The following DGKI variants were observed in gnomAD, a reference collection of about 807,000 sequenced individuals.
DGKI encodes the protein DAG kinase iota.
In DGKI, 55 loss-of-function variants were observed where a neutral mutation model predicts 147.5. That is an observed-to-expected ratio of 0.37 (90% CI 0.30 to 0.47). The LOEUF (loss-of-function observed/expected upper bound fraction) is 0.47. Ranked by LOEUF, DGKI falls within the 20% of genes least tolerant of loss-of-function variation. DGKI has a pLI of 1.00. For synonymous variants in DGKI, 469 were observed against 477.1 expected (o/e 0.98, Z 0.22); for missense variants, 1,007 against 1,323.8 (o/e 0.76, Z 3.71).
chr7:137,531,541 G>C (rs1020955902), intron 20 of DGKI, among the ~76,000 whole-genome samples: 1 of 152,150 alleles, frequency 6.6e-6, no homozygotes. Flanking sequence ...TGAGACATAA[G>C]AGGACAATGA....
chr7:137,601,691 C>G (rs148992697), intron 10 of DGKI, among the ~76,000 whole-genome samples: 133 of 152,282 alleles, frequency 8.7e-4, no homozygotes, highest in African/African-American at 3.2e-3. Context: ...ACAAAACAGA[C>G]CTTTGTTACC....
intron 20 of DGKI, among the ~76,000 whole-genome samples, chr7:137,534,835 G>T (rs1209917112): frequency 6.6e-6 from 1 of 152,136 alleles, no homozygotes; most frequent in Non-Finnish European, 1.5e-5. Context: ...TAGCTCTTCA[G>T]AATGTGACTG....
intron 3 of DGKI, among the ~76,000 whole-genome samples, chr7:137,674,769 A>G (rs1822971612): frequency 6.6e-6 from 1 of 152,146 alleles, no homozygotes; most frequent in Admixed American, 6.5e-5. Context: ...TCACTTATGT[A>G]AATCTTACCC....
rs1356488881 is a variant in DGKI at position 137,469,600 on chromosome 7, G to A, written c.2393C>T (p.Pro798Leu). Residue 798 changes from proline to leucine, a missense_variant, in exon 24 of 33, where the codon CCC (proline) becomes CTC (leucine). Around this residue, in one of 5 missense-constraint regions of DGKI, gnomAD observed 385 missense variants for 445.2 expected, o/e 0.86. Transcript: ENST00000614521. ...VHYQDHETSFPRALSAQRLSP... is the reference protein window; with the variant it reads ...VHYQDHETSFLRALSAQRLSP... ...GAGCCTCTGTGCTGAGAGAGCCCTGGGGAAGGAGGTTTCATGGTCCTGGAA... is the reference window on the plus strand; with the variant it reads ...GAGCCTCTGTGCTGAGAGAGCCCTGAGGAAGGAGGTTTCATGGTCCTGGAA... The A allele has an allele frequency of 6.2e-7, 1 of 1,613,808 alleles. No individual in the cohort carries two copies. Among genetic ancestry groups the A allele is most frequent in the African/African-American group, 1.3e-5 (1 of 74,870 alleles).
chr7:137,642,132 C>T (rs985505717), intron 6 of DGKI, among the ~76,000 whole-genome samples: 1 of 152,116 alleles, frequency 6.6e-6, no homozygotes, highest in Non-Finnish European at 1.5e-5. Context: ...ATTCCATCTG[C>T]CTCTCAAGTT....
In DGKI at chr7:137,386,986, C is replaced by T. The variant is rs1811194270; in HGVS notation, c.*4234G>A. The T allele has an allele frequency of 6.6e-6, 1 of 152,020 alleles. No individual in the cohort carries two copies. The highest frequency in any genetic ancestry group is 2.1e-4 in the South Asian group (1 of 4,824). The allele number at this position is 152,020 out of a possible 1,614,324, so 9.4% of individuals were successfully genotyped here. A position where few individuals can be genotyped will look rare whatever the true frequency, so the allele number is the denominator to read the frequency against. On this transcript the variant is annotated 3_prime_UTR_variant, in exon 33 of 33. Coordinates refer to ENST00000614521, the MANE Select transcript of DGKI (RefSeq NM_001321708.2). ...ATGATGAGCCATTTTAACAAAGTCC[C>T]ATTTTTAAATAGCATAATTGAATAA...
At chr7:137,656,570 G>C in intron 3 of DGKI, 30 bp from the exon 4 acceptor site, 1 of 1,609,052 alleles carries the variant, frequency 6.2e-7, no homozygotes, top group Non-Finnish European at 8.5e-7. Flanking sequence ...AGACAAAAAA[G>C]AAATGTTAAC....
At chr7:137,844,967 T>C (rs76416374) in intron 1 of DGKI, among the ~76,000 whole-genome samples, 4,161 of 152,274 alleles carry the variant, frequency 0.027, 103 homozygotes, top group Non-Finnish European at 0.045. Context: ...AGACGGGCCA[T>C]CATAACTAGG....
In DGKI at chr7:137,451,632, G is replaced by A. The variant is rs993720883; in HGVS notation, c.2736-7530C>T. 2.6e-5 allele frequency among the ~76,000 whole-genome samples: 4 copies of A among 152,238 alleles called. No individual in the cohort carries two copies. The East Asian group carries it at 5.8e-4, about 22-fold the overall frequency. On this transcript the variant is annotated intron_variant, in intron 27 of 32. Transcript: ENST00000614521. ...ATTGCACCTCTTATGATGTTTTATC[G>A]TTTTTAGTCAATAAACCTGGAAATG...
At chr7:137,401,751 T>C (rs1811769276) in intron 30 of DGKI, among the ~76,000 whole-genome samples, 1 of 152,162 alleles carries the variant, frequency 6.6e-6, no homozygotes, top group Non-Finnish European at 1.5e-5. Context: ...TACTGAAATG[T>C]CCACCCTTCA....
At chr7:137,659,470 A>T (rs1585338914) in intron 3 of DGKI, among the ~76,000 whole-genome samples, 1 of 152,360 alleles carries the variant, frequency 6.6e-6, no homozygotes, top group East Asian at 1.9e-4. Flanking sequence ...GTGCTTAGTT[A>T]GGTTGCAATT....
At chr7:137,444,149 A>G (rs1813620777) in intron 27 of DGKI, 47 bp from the exon 28 acceptor site, 1 of 1,105,484 alleles carries the variant, frequency 9.0e-7, no homozygotes, top group African/African-American at 1.6e-5. Context: ...TGATAATTAT[A>G]ATGATAATCA....
At chr7:137,746,075 C>T (rs1016488653) in intron 1 of DGKI, among the ~76,000 whole-genome samples, 5 of 152,110 alleles carry the variant, frequency 3.3e-5, no homozygotes, top group Non-Finnish European at 7.4e-5. Context: ...ATCTATTTAA[C>T]GATGGAATTG....
intron 20 of DGKI, among the ~76,000 whole-genome samples, chr7:137,546,745 G>C (rs969958299): frequency 2.6e-5 from 4 of 152,072 alleles, no homozygotes; most frequent in Non-Finnish European, 5.9e-5. Context: ...CTTATTTAAA[G>C]AGTTTCATTA....
intron 21 of DGKI, among the ~76,000 whole-genome samples, chr7:137,521,413 T>C (rs958879483): frequency 3.3e-5 from 5 of 152,106 alleles, no homozygotes; most frequent in African/African-American, 1.2e-4. Flanking sequence ...GGCCCTTCTC[T>C]GACATTATAT....
At chr7:137,659,729 G>A (rs539258388) in intron 3 of DGKI, among the ~76,000 whole-genome samples, 3 of 152,128 alleles carry the variant, frequency 2.0e-5, no homozygotes, top group Non-Finnish European at 2.9e-5. Context: ...TCAGGAGATC[G>A]AGACCATCCT....
intron 6 of DGKI, among the ~76,000 whole-genome samples, chr7:137,629,810 T>C (rs1209906242): frequency 6.6e-6 from 1 of 152,218 alleles, no homozygotes; most frequent in Non-Finnish European, 1.5e-5. Flanking sequence ...TGCCTGGTAA[T>C]GTGACTAATG....
chr7:137,463,446 A>T, intron 27 of DGKI, 43 bp downstream of exon 27: 1 of 1,606,880 alleles, frequency 6.2e-7, no homozygotes. Context: ...TCTCCCAGCA[A>T]TCACAGTGGC....
intron 5 of DGKI, among the ~76,000 whole-genome samples, chr7:137,649,944 G>A (rs1821966521): frequency 1.3e-5 from 2 of 151,254 alleles, no homozygotes. Flanking sequence ...CAAATGCCAG[G>A]GCATAGTGAC....
Sources: allele counts gnomAD v4.1 joint callset (sites outside exome capture counted in the v4.1 genomes callset), GRCh38; gene constraint gnomAD v4.1.1; regional missense constraint gnomAD v4.1.1; transcripts MANE v1.5; gene names NCBI Gene and HGNC (gene_info 2026-07-23, HGNC 2026-07-21).